The following ANXA6 variants were observed in gnomAD, a reference collection of about 807,000 sequenced individuals.
ANXA6 encodes annexin A6.
ANXA6 carries 71 observed loss-of-function variants against 95.4 expected under a neutral mutation model. The observed-to-expected ratio is 0.74, with a 90% confidence interval of 0.61 to 0.91. The LOEUF is 0.91. Ranked by LOEUF, ANXA6 falls within the 40% of genes least tolerant of loss-of-function variation. ANXA6 has a pLI of 0.00. For synonymous variants in ANXA6, 289 were observed against 315.9 expected (o/e 0.91, Z 0.90); for missense variants, 830 against 876.4 (o/e 0.95, Z 0.67).
Position 151,154,580 on chromosome 5 carries a change from G to C in ANXA6, c.-26+3100C>G, listed in dbSNP as rs537714059. Among the ~76,000 whole-genome samples the C allele has an allele frequency of 2.0e-5, 3 of 152,224 alleles. No homozygotes were observed. In the South Asian group the frequency reaches 6.2e-4, roughly 32 times the overall value. On this transcript the variant is annotated intron_variant, in intron 1 of 25. Transcript: ENST00000354546. ...TGCTGGCTTCTCCCCCGGTCTGCAG[G>C]AAGACACCCAGGACCCGCTCCATAA...
In ANXA6 at chr5:151,132,331, G is replaced by A. The variant is rs182258526; in HGVS notation, c.736+145C>T. 1.3e-3 allele frequency: 859 copies of A among 682,128 alleles called. 9 individuals carry two copies. In the African/African-American group the frequency reaches 0.014, roughly 11 times the overall value. 42.3% of individuals were successfully genotyped at this position (682,128 alleles called of 1,614,324 possible). A position where few individuals can be genotyped will look rare whatever the true frequency, so the allele number is the denominator to read the frequency against. ...CCAGCCTCAGCCATGCTGCCCTGGAGAAACCTTTAGAATTCACGGCCCACA... is the reference window on the plus strand; with the variant it reads ...CCAGCCTCAGCCATGCTGCCCTGGAAAAACCTTTAGAATTCACGGCCCACA... On this transcript the variant is annotated intron_variant, in intron 10 of 25. Coordinates refer to ENST00000354546, the MANE Select transcript of ANXA6 (RefSeq NM_001155.5).
intron 23 of ANXA6, among the ~76,000 whole-genome samples, chr5:151,106,985 G>A (rs576892848): frequency 1.8e-4 from 27 of 152,328 alleles, no homozygotes; most frequent in African/African-American, 6.0e-4. Flanking sequence ...ATCTGAAAGT[G>A]TCTCCAAAGG....
intron 1 of ANXA6, chr5:151,155,588 T>C (rs944800079): frequency 1.3e-5 from 2 of 152,182 alleles, no homozygotes; most frequent in African/African-American, 2.4e-5. Flanking sequence ...GGTGCATGCA[T>C]GCTCAGGAAT....
intron 1 of ANXA6, among the ~76,000 whole-genome samples, chr5:151,155,870 C>T (rs566722644): frequency 1.8e-4 from 27 of 152,272 alleles, no homozygotes; most frequent in African/African-American, 6.3e-4. Context: ...GGGCTGGGTC[C>T]GAGGCTGGAT....
chr5:151,153,610 A>G (rs1050651256), intron 1 of ANXA6, among the ~76,000 whole-genome samples: 8 of 152,202 alleles, frequency 5.3e-5, no homozygotes, highest in South Asian at 2.1e-4. Flanking sequence ...AAAACCCTCC[A>G]GGTTGTCTGA....
chr5:151,128,069 C>T (rs574898063), intron 13 of ANXA6, 112 bp downstream of exon 13: 594 of 950,132 alleles, frequency 6.3e-4, no homozygotes, highest in Non-Finnish European at 9.2e-4. Context: ...ACGCTCCTGG[C>T]TCAGGGGAAT....
At chr5:151,154,505 A>G (rs867372212) in intron 1 of ANXA6, among the ~76,000 whole-genome samples, 2 of 152,172 alleles carry the variant, frequency 1.3e-5, no homozygotes, top group Non-Finnish European at 2.9e-5. Context: ...CATCCCACTT[A>G]GAAGGCCCCT....
At chr5:151,113,738 C>T (rs1245885501) in intron 20 of ANXA6, among the ~76,000 whole-genome samples, 1 of 152,180 alleles carries the variant, frequency 6.6e-6, no homozygotes, top group Admixed American at 6.5e-5. Context: ...TGGACAGTTC[C>T]TCAAATGGTT....
chr5:151,130,726 G>A (rs369791636), intron 11 of ANXA6, among the ~76,000 whole-genome samples: 3,484 of 22,228 alleles, frequency 0.16, 52 homozygotes, highest in South Asian at 0.35. Flanking sequence ...CCTGTGTCTC[G>A]GGCCTCAGGC....
intron 2 of ANXA6, among the ~76,000 whole-genome samples, chr5:151,147,429 C>G (rs533913436): frequency 7.9e-5 from 12 of 152,318 alleles, no homozygotes; most frequent in African/African-American, 2.9e-4. Flanking sequence ...CTGGGCCTTC[C>G]CCTGGAATCA....
At chr5:151,125,891 C>A (rs559215287) in intron 14 of ANXA6, among the ~76,000 whole-genome samples, 2 of 152,054 alleles carry the variant, frequency 1.3e-5, no homozygotes, top group Non-Finnish European at 2.9e-5. Context: ...GGTTACATAG[C>A]GAATAAGTAA....
chr5:151,114,767 C>T (rs1285553428), intron 20 of ANXA6, among the ~76,000 whole-genome samples: 1 of 151,678 alleles, frequency 6.6e-6, no homozygotes, highest in Non-Finnish European at 1.5e-5. Context: ...AATTAACAAT[C>T]ACTGTGGGGC....
chr5:151,139,788 G>T (rs959825567), intron 3 of ANXA6, among the ~76,000 whole-genome samples: 1 of 152,068 alleles, frequency 6.6e-6, no homozygotes, highest in African/African-American at 2.4e-5. Flanking sequence ...CCCAGTACAG[G>T]GTTCTTTCCA....
chr5:151,132,484 A>T lies in ANXA6; in HGVS notation c.728T>A (p.Leu243Gln). 1 of 1,612,074 alleles carries T rather than the reference A, an allele frequency of 6.2e-7. No homozygotes were observed. The highest frequency in any genetic ancestry group is 8.5e-7 in the Non-Finnish European group (1 of 1,179,156). The stretch of plus-strand genomic sequence containing the variant: ...GCAACGTCAGGACATACCTACGGCC[A>T]GCATTAGCTTCTCAAAGTCCCCAGA... ...ELSGDFEKLM[L>Q]AVVKCIRSTP... Residue 243 changes from leucine to glutamine, a missense_variant, in exon 10 of 26, where the codon CTG becomes CAG. Transcript: ENST00000354546.
In ANXA6 at chr5:151,111,418, A is replaced by G. The variant is rs373972789; in HGVS notation, c.1573-774T>C. Among the ~76,000 whole-genome samples, 45 of 152,334 alleles carry G rather than the reference A, an allele frequency of 3.0e-4. No homozygotes were observed. The South Asian group carries it at 9.1e-3, about 31-fold the overall frequency. ...GACTGAACTCTTTATAAACTTCACAATAGCCTATACTCTGGAAACCTTCCT... is the reference window on the plus strand; with the variant it reads ...GACTGAACTCTTTATAAACTTCACAGTAGCCTATACTCTGGAAACCTTCCT... On this transcript the variant is annotated intron_variant, in intron 20 of 25. Coordinates refer to ENST00000354546, the MANE Select transcript of ANXA6 (RefSeq NM_001155.5).
chr5:151,104,711 C>T (rs985917379), intron 24 of ANXA6, among the ~76,000 whole-genome samples: 1 of 152,174 alleles, frequency 6.6e-6, no homozygotes, highest in African/African-American at 2.4e-5. Flanking sequence ...AGAGGGTGGC[C>T]AGTGTGGCTT....
At chr5:151,137,383 TGGGATCA>T (rs1168946760) in intron 5 of ANXA6, 62 bp from the exon 6 acceptor site, 2 of 1,436,778 alleles carry the variant, frequency 1.4e-6, no homozygotes, top group East Asian at 2.4e-5. Context: ...GGACACAGGT[TGGGATCA>T]GGGAGTGGCC....
At chr5:151,107,885 C>T (rs1008864723) in intron 23 of ANXA6, among the ~76,000 whole-genome samples, 2 of 149,082 alleles carry the variant, frequency 1.3e-5, no homozygotes, top group Admixed American at 1.3e-4. Context: ...GTGTATGTGT[C>T]TTGTATGTGT....
chr5:151,122,591 G>A (rs1765200152), intron 16 of ANXA6, among the ~76,000 whole-genome samples: 1 of 152,202 alleles, frequency 6.6e-6, no homozygotes, highest in Admixed American at 6.5e-5. Context: ...TTGGGGCCTT[G>A]AAGCCAGCTC....
Sources: allele counts gnomAD v4.1 joint callset (sites outside exome capture counted in the v4.1 genomes callset), GRCh38; gene constraint gnomAD v4.1.1; transcripts MANE v1.5; gene names NCBI Gene and HGNC (gene_info 2026-07-23, HGNC 2026-07-21).